Variants in GAL3ST2 observed in about 807,000 individuals in gnomAD.
GAL3ST2 encodes beta-galactose-3-O-sulfotransferase 2.
A neutral mutation model predicts 12.9 loss-of-function variants in GAL3ST2; 16 were observed. The ratio of observed to expected loss-of-function variants is 1.24; its 90% CI spans 0.84 to 1.88. GAL3ST2 has a LOEUF of 1.88. Ranked by LOEUF, GAL3ST2 falls within the 40% of genes most tolerant of loss-of-function variation. The pLI, the probability that GAL3ST2 is intolerant of heterozygous loss-of-function variation, is 0.00. For synonymous variants in GAL3ST2, 302 were observed against 273.9 expected (o/e 1.10, Z -1.01); for missense variants, 639 against 571.8 (o/e 1.12, Z -1.20).
chr2:241,781,544 A>C lies in GAL3ST2; in HGVS notation c.29+4560A>C, dbSNP rs904817453. Among the ~76,000 whole-genome samples the C allele has an allele frequency of 7.9e-5, 12 of 152,024 alleles. No homozygotes were observed. In the East Asian group the frequency reaches 2.1e-3, roughly 27 times the overall value. ...TAGTCAAAGACACAATTGACAAGGA[A>C]ATTTGTTACCTTTGTGGCACAGTAT... On this transcript the variant is annotated intron_variant, in intron 1 of 3. Coordinates refer to ENST00000192314, the MANE Select transcript of GAL3ST2 (RefSeq NM_022134.3).
Position 241,792,032 on chromosome 2 carries a change from A to G in GAL3ST2, c.30-7033A>G, listed in dbSNP as rs570293510. Among the ~76,000 whole-genome samples, 9 of 104,662 alleles carry G rather than the reference A, an allele frequency of 8.6e-5. No individual in the cohort carries two copies. The South Asian group carries it at 2.1e-3, about 25-fold the overall frequency. 68.7% of individuals were successfully genotyped at this position (104,662 alleles called of 152,430 possible). A position where few individuals can be genotyped will look rare whatever the true frequency, so the allele number is the denominator to read the frequency against. On this transcript the variant is annotated intron_variant, in intron 1 of 3. Transcript: ENST00000192314. The stretch of plus-strand genomic sequence containing the variant: ...TTTCTTTCTTTTTTTTTTTTTTCTG[A>G]GATGGAGTTTTGCTCTTGTCGCCCA...
At chr2:241,794,316 G>A (rs1356776261) in intron 1 of GAL3ST2, among the ~76,000 whole-genome samples, 2 of 152,082 alleles carry the variant, frequency 1.3e-5, no homozygotes, top group Non-Finnish European at 2.9e-5. Flanking sequence ...AATTCTCCCC[G>A]AATGCCCTGG....
chr2:241,799,275 G>A (rs1699814928), intron 2 of GAL3ST2, 121 bp downstream of exon 2: 1 of 887,376 alleles, frequency 1.1e-6, no homozygotes, highest in Non-Finnish European at 1.8e-6. Context: ...GGAAGAGGAG[G>A]GGTGGATGGG....
In GAL3ST2 at chr2:241,803,780, C is replaced by T. The variant is rs1699892005; in HGVS notation, c.811C>T (p.Arg271Cys). 2.0e-6 allele frequency: 3 copies of T among 1,505,218 alleles called. No individual in the cohort carries two copies. The highest frequency in any genetic ancestry group is 2.6e-6 in the Non-Finnish European group (3 of 1,133,840). The allele number at this position is 1,505,218 out of a possible 1,614,324, so 93.2% of individuals were successfully genotyped here. A position where few individuals can be genotyped will look rare whatever the true frequency, so the allele number is the denominator to read the frequency against. Residue 271 changes from arginine (R) to cysteine (C), a missense_variant, in exon 4 of 4, where the codon CGC becomes TGC. By Grantham distance (180) the Arg-to-Cys change is radical. Transcript: ENST00000192314. ...CCGCCTGTCGCCCGAGACCCGGGAG[C>T]GCGCGCGGAGCTGGTGCGCGCTGGA... ...VARLSPETRE[R>C]ARSWCALDWR... is the part of the protein sequence containing the mutation.
At position 241,804,190 on chromosome 2, in the gene GAL3ST2, C is replaced by T. The variant is rs1009727925; in HGVS notation, c.*24C>T. 1.7e-5 allele frequency: 24 copies of T among 1,386,522 alleles called. No homozygotes were observed. In the Admixed American group the frequency reaches 3.5e-4, roughly 20 times the overall value. 85.9% of individuals were successfully genotyped at this position (1,386,522 alleles called of 1,614,324 possible). ...AGAGGGGCCGGGCCGGGGACGAGGCCTCCTGCGGACACCAGCTCCTCTCTC... is the reference window on the plus strand; with the variant it reads ...AGAGGGGCCGGGCCGGGGACGAGGCTTCCTGCGGACACCAGCTCCTCTCTC... On this transcript the variant is annotated 3_prime_UTR_variant, in exon 4 of 4. Coordinates refer to ENST00000192314, the MANE Select transcript of GAL3ST2 (RefSeq NM_022134.3).
chr2:241,802,718 G>C lies in GAL3ST2; in HGVS notation c.376-627G>C, dbSNP rs1246277371. Among the ~76,000 whole-genome samples the C allele has an allele frequency of 6.6e-6, 1 of 152,042 alleles. No homozygotes were observed. Among genetic ancestry groups the C allele is most frequent in the Non-Finnish European group, 1.5e-5 (1 of 67,984 alleles). ...GAGGCCTCCCACTGTTCTCTCCCTG[G>C]GTTTCTGAGGATGGAGAAGCAGGCG... On this transcript the variant is annotated intron_variant, in intron 3 of 3. Transcript: ENST00000192314. The surrounding 1 kb of genome is among the most constrained non-coding windows in gnomAD (Gnocchi z 4.8).
intron 1 of GAL3ST2, among the ~76,000 whole-genome samples, chr2:241,790,870 T>G (rs1271689307): frequency 6.6e-6 from 1 of 152,198 alleles, no homozygotes; most frequent in East Asian, 1.9e-4. Flanking sequence ...GAGAGCTCCC[T>G]CTCTGCACAA....
At chr2:241,789,150 G>T (rs1198784541) in intron 1 of GAL3ST2, among the ~76,000 whole-genome samples, 3 of 152,140 alleles carry the variant, frequency 2.0e-5, no homozygotes, top group East Asian at 3.9e-4. Context: ...TTTCTTTTCT[G>T]CCTGCTTTAA....
In GAL3ST2 at chr2:241,795,669, G is replaced by A. The variant is rs894699152; in HGVS notation, c.30-3396G>A. 2.6e-5 allele frequency among the ~76,000 whole-genome samples: 4 copies of A among 152,270 alleles called. No individual in the cohort carries two copies. The highest frequency in any genetic ancestry group is 6.5e-5 in the Admixed American group (1 of 15,290). On this transcript the variant is annotated intron_variant, in intron 1 of 3. Coordinates refer to ENST00000192314, the MANE Select transcript of GAL3ST2 (RefSeq NM_022134.3). The surrounding 1 kb of genome is among the most constrained non-coding windows in gnomAD (Gnocchi z 4.5). ...TCCCGGGGAGGGTCTTGGGAAGTCC[G>A]CAGAAGTGGCCCAATGGCAGAGCAG...
chr2:241,802,188 C>G lies in GAL3ST2; in HGVS notation c.375+152C>G, dbSNP rs1699861681. ...GTTGGGAGGGCCTGGGCCGCACGCC[C>G]TGCTGAGCCAACCCCTGCCCCTCCA... On this transcript the variant is annotated intron_variant, in intron 3 of 3. Transcript: ENST00000192314. This position sits in a 1 kb window ranked among gnomAD's most constrained non-coding sequence, Gnocchi z 4.8. 1 of 1,028,858 alleles carries G rather than the reference C, an allele frequency of 9.7e-7. No homozygotes were observed. The highest frequency in any genetic ancestry group is 1.7e-5 in the South Asian group (1 of 59,356). 63.7% of individuals were successfully genotyped at this position (1,028,858 alleles called of 1,614,324 possible).
At chr2:241,788,451 C>G (rs1051595961) in intron 1 of GAL3ST2, among the ~76,000 whole-genome samples, 1 of 152,032 alleles carries the variant, frequency 6.6e-6, no homozygotes, top group Admixed American at 6.6e-5. Flanking sequence ...TTTGAAGATG[C>G]ATTCTAAAGG....
At chr2:241,789,141 T>C (rs1699666821) in intron 1 of GAL3ST2, among the ~76,000 whole-genome samples, 1 of 152,214 alleles carries the variant, frequency 6.6e-6, no homozygotes, top group South Asian at 2.1e-4. Flanking sequence ...TTTCCCCATT[T>C]TCTTTTCTGC....
chr2:241,798,686 C>T (rs1699804590), intron 1 of GAL3ST2, among the ~76,000 whole-genome samples: 1 of 152,142 alleles, frequency 6.6e-6, no homozygotes, highest in Non-Finnish European at 1.5e-5. Context: ...CCCCTGGGGG[C>T]CTGGGGGTCT....
chr2:241,802,951 C>T lies in GAL3ST2; in HGVS notation c.376-394C>T, dbSNP rs1034710372. 4.0e-5 allele frequency among the ~76,000 whole-genome samples: 6 copies of T among 151,798 alleles called. No homozygotes were observed. The highest frequency in any genetic ancestry group is 5.9e-5 in the Non-Finnish European group (4 of 67,900). On this transcript the variant is annotated intron_variant, in intron 3 of 3. Transcript: ENST00000192314. The surrounding 1 kb of genome is among the most constrained non-coding windows in gnomAD (Gnocchi z 4.8). ...GCAGCTGGTGGAGTGCTGAAGCCCC[C>T]TGTGCCAGGGGCCCGTGGAGGGCCC...
chr2:241,784,260 C>G (rs1447859639), intron 1 of GAL3ST2, among the ~76,000 whole-genome samples: 1 of 152,136 alleles, frequency 6.6e-6, no homozygotes, highest in East Asian at 1.9e-4. Flanking sequence ...GTCTCGATCT[C>G]CTAACCTCGT....
At chr2:241,792,104 C>G (rs756717770) in intron 1 of GAL3ST2, among the ~76,000 whole-genome samples, 96 of 150,994 alleles carry the variant, frequency 6.4e-4, no homozygotes, top group Middle Eastern at 6.8e-3. Flanking sequence ...ACCTCTGCCT[C>G]CTGGGTTCAA....
chr2:241,785,877 C>T (rs953300922), intron 1 of GAL3ST2, among the ~76,000 whole-genome samples: 3 of 151,838 alleles, frequency 2.0e-5, no homozygotes, highest in African/African-American at 7.2e-5. Context: ...CACACACACA[C>T]ATCCCTTGGA....
intron 1 of GAL3ST2, among the ~76,000 whole-genome samples, chr2:241,789,095 C>T (rs575454037): frequency 5.3e-5 from 8 of 152,318 alleles, no homozygotes; most frequent in South Asian, 2.1e-4. Flanking sequence ...AGAGCCCTAA[C>T]GTCGACCCCA....
At chr2:241,791,944 A>C (rs1699697222) in intron 1 of GAL3ST2, among the ~76,000 whole-genome samples, 1 of 150,936 alleles carries the variant, frequency 6.6e-6, no homozygotes, top group Admixed American at 6.6e-5. Flanking sequence ...TCTTCAAAAT[A>C]ATGTTTGCAA....
Sources: gnomAD v4.1 joint callset for allele counts (sites outside exome capture counted in the v4.1 genomes callset) on GRCh38, gnomAD v4.1.1 for gene constraint, Gnocchi (gnomAD v3.1) non-coding constraint, MANE v1.5 for transcripts, NCBI Gene and HGNC (gene_info 2026-07-23, HGNC 2026-07-21) for gene names.